VPS13B: variants seen among roughly 807,000 people sequenced by gnomAD.
The protein encoded by VPS13B is intermembrane lipid transfer protein VPS13B.
Under a neutral mutation model 426.4 loss-of-function variants are expected in VPS13B, and 285 were observed. That is an observed-to-expected ratio of 0.67 (90% CI 0.61 to 0.74). The LOEUF (loss-of-function observed/expected upper bound fraction) is 0.74, where lower values mean the gene tolerates loss of function less well. Among genes scored for constraint, VPS13B ranks in the 30% least tolerant of loss-of-function variants. The probability of loss-of-function intolerance (pLI) is 0.00; values close to 1 mark genes in which losing one functional copy is unlikely to be tolerated. For synonymous variants in VPS13B, 1,676 were observed against 1,676.4 expected (o/e 1.00, Z 0.01); for missense variants, 4,537 against 4,782.6 (o/e 0.95, Z 1.51).
intron 21 of VPS13B, among the ~76,000 whole-genome samples, chr8:99,414,610 C>A (rs1397186719): frequency 6.6e-6 from 1 of 152,114 alleles, no homozygotes. Context: ...GTAAGTCAGG[C>A]CCAGTGGTGG....
At chr8:99,823,222 C>T (rs1814479828) in intron 50 of VPS13B, among the ~76,000 whole-genome samples, 1 of 152,198 alleles carries the variant, frequency 6.6e-6, no homozygotes, top group African/African-American at 2.4e-5. Context: ...CTTTGTGCCT[C>T]ACTTTCCTCT....
chr8:99,863,560 C>G (rs534760035), intron 58 of VPS13B, among the ~76,000 whole-genome samples: 1 of 152,048 alleles, frequency 6.6e-6, no homozygotes, highest in Non-Finnish European at 1.5e-5. Context: ...CCTTCCTGCC[C>G]GAGGGTTCCA....
intron 34 of VPS13B, among the ~76,000 whole-genome samples, chr8:99,647,903 A>C (rs1328477919): frequency 6.6e-6 from 1 of 152,182 alleles, no homozygotes; most frequent in Non-Finnish European, 1.5e-5. Flanking sequence ...ATTTGGTTTA[A>C]TTTGACATAT....
intron 22 of VPS13B, among the ~76,000 whole-genome samples, chr8:99,440,990 T>G (rs1196966832): frequency 1.3e-5 from 2 of 152,094 alleles, no homozygotes; most frequent in Non-Finnish European, 2.9e-5. Flanking sequence ...TGTTAAATAT[T>G]TTAAAGCATA....
intron 17 of VPS13B, among the ~76,000 whole-genome samples, chr8:99,208,139 C>T (rs371276822): frequency 1.8e-4 from 27 of 152,254 alleles, no homozygotes; most frequent in African/African-American, 5.3e-4. Flanking sequence ...CGTGTCACAT[C>T]GCCAGAGTTG....
chr8:99,703,746 A>G (rs1325444463), intron 36 of VPS13B, among the ~76,000 whole-genome samples: 1 of 152,134 alleles, frequency 6.6e-6, no homozygotes, highest in Admixed American at 6.6e-5. Flanking sequence ...CTTGCAGTGT[A>G]GCACTTTCCA....
At chr8:99,088,402 C>G (rs1011110764) in intron 3 of VPS13B, among the ~76,000 whole-genome samples, 3 of 152,038 alleles carry the variant, frequency 2.0e-5, no homozygotes, top group African/African-American at 7.2e-5. Context: ...AGATTATATT[C>G]TTCTTTCTTA....
intron 33 of VPS13B, among the ~76,000 whole-genome samples, chr8:99,592,014 G>C (rs1001849645): frequency 2.6e-5 from 4 of 151,830 alleles, no homozygotes; most frequent in Non-Finnish European, 5.9e-5. Flanking sequence ...GTCTTTTCAC[G>C]TAGTCCCATA....
intron 2 of VPS13B, among the ~76,000 whole-genome samples, chr8:99,035,219 T>C (rs1005358640): frequency 1.2e-4 from 19 of 152,086 alleles, no homozygotes; most frequent in Non-Finnish European, 2.8e-4. Flanking sequence ...CTTTTAAGTG[T>C]ATACTATATT....
chr8:99,131,662 A>T (rs1169467688), intron 8 of VPS13B, among the ~76,000 whole-genome samples: 2 of 152,182 alleles, frequency 1.3e-5, no homozygotes, highest in Admixed American at 1.3e-4. Context: ...CTTTATTGTT[A>T]AAAAATGCTA....
chr8:99,759,124 CT>C (rs1810789570), intron 39 of VPS13B, among the ~76,000 whole-genome samples: 1 of 152,074 alleles, frequency 6.6e-6, no homozygotes, highest in Non-Finnish European at 1.5e-5. Context: ...GGCTGCCAAC[CT>C]TTTTCTTCAC....
intron 3 of VPS13B, among the ~76,000 whole-genome samples, chr8:99,039,869 A>G (rs1478773168): frequency 1.3e-5 from 2 of 152,108 alleles, no homozygotes; most frequent in African/African-American, 4.8e-5. Context: ...GACCAATGTT[A>G]TATTCTCATG....
intron 55 of VPS13B, among the ~76,000 whole-genome samples, chr8:99,852,879 G>A (rs1187011757): frequency 5.9e-5 from 9 of 152,126 alleles, no homozygotes; most frequent in African/African-American, 9.7e-5. Flanking sequence ...AGATGATGGA[G>A]GAAAGGGGTG....
intron 59 of VPS13B, among the ~76,000 whole-genome samples, chr8:99,869,694 C>T (rs138091634): frequency 6.6e-6 from 1 of 152,206 alleles, no homozygotes; most frequent in Non-Finnish European, 1.5e-5. Flanking sequence ...GCCATTGTCC[C>T]TCACCGTGTT....
chr8:99,297,352 C>G (rs910878951), intron 19 of VPS13B, among the ~76,000 whole-genome samples: 7 of 152,006 alleles, frequency 4.6e-5, no homozygotes, highest in African/African-American at 1.5e-4. Flanking sequence ...CTCTTAACAG[C>G]CTAAAGTATT....
chr8:99,136,856 T>G (rs1006736971), intron 12 of VPS13B, 104 bp downstream of exon 12: 6 of 1,088,304 alleles, frequency 5.5e-6, no homozygotes, highest in East Asian at 2.4e-5. Flanking sequence ...CTACATAAGA[T>G]TTATCTTCTA....
chr8:99,793,235 G>A (rs1812644540), intron 43 of VPS13B, among the ~76,000 whole-genome samples: 1 of 135,572 alleles, frequency 7.4e-6, no homozygotes, highest in South Asian at 2.3e-4. Flanking sequence ...TATATTTGGA[G>A]ACAGGGTCTT....
intron 23 of VPS13B, among the ~76,000 whole-genome samples, chr8:99,453,877 C>T (rs1166783259): frequency 2.6e-5 from 4 of 152,124 alleles, no homozygotes; most frequent in African/African-American, 7.2e-5. Flanking sequence ...GTAATTGTCA[C>T]CCAAAATCTG....
chr8:99,361,245 A>G (rs1563687923), intron 19 of VPS13B, among the ~76,000 whole-genome samples: 1 of 152,192 alleles, frequency 6.6e-6, no homozygotes, highest in Non-Finnish European at 1.5e-5. Flanking sequence ...CACCTGCATT[A>G]TTGAGGAACT....
Sources: allele counts gnomAD v4.1 joint callset (sites outside exome capture counted in the v4.1 genomes callset), GRCh38; gene constraint gnomAD v4.1.1; transcripts MANE v1.5; gene names NCBI Gene and HGNC (gene_info 2026-07-23, HGNC 2026-07-21).